PDE1C: variants seen among roughly 807,000 people sequenced by gnomAD.
PDE1C encodes dual specificity calcium/calmodulin-dependent 3',5'-cyclic nucleotide phosphodiesterase 1C.
A neutral mutation model predicts 93.1 loss-of-function variants in PDE1C; 62 were observed. That is an observed-to-expected ratio of 0.67 (90% confidence interval 0.54 to 0.82). The LOEUF (loss-of-function observed/expected upper bound fraction) is 0.82. Among genes scored for constraint, PDE1C ranks in the 40% least tolerant of loss-of-function variants. The pLI, the probability that PDE1C is intolerant of heterozygous loss-of-function variation, is 0.00. For missense variants in PDE1C, 742 were observed against 884.6 expected, an observed-to-expected ratio of 0.84 and a Z score of 2.04; for synonymous variants, 325 against 310.1, an observed-to-expected ratio of 1.05 and a Z score of -0.50.
intron 1 of PDE1C, among the ~76,000 whole-genome samples, chr7:32,232,247 C>A (rs1014954933): frequency 2.6e-5 from 4 of 152,100 alleles, no homozygotes; most frequent in African/African-American, 9.7e-5. Flanking sequence ...TGGACATCAG[C>A]GTGAATGAAG....
chr7:31,874,726 T>C (rs1449265355), intron 5 of PDE1C, among the ~76,000 whole-genome samples: 2 of 152,252 alleles, frequency 1.3e-5, no homozygotes, highest in Non-Finnish European at 2.9e-5. Flanking sequence ...CTCACTTAAG[T>C]CTTCAATAAC....
chr7:32,269,502 T>C (rs1352009973), intron 1 of PDE1C, among the ~76,000 whole-genome samples: 1 of 152,272 alleles, frequency 6.6e-6, no homozygotes, highest in South Asian at 2.1e-4. Flanking sequence ...TCTTTTTAGA[T>C]GGAGTCTCGC....
chr7:31,967,906 C>CT (rs1810279551), intron 2 of PDE1C, among the ~76,000 whole-genome samples: 1 of 152,208 alleles, frequency 6.6e-6, no homozygotes, highest in Non-Finnish European at 1.5e-5. Context: ...CAAAATTCAA[C>CT]AATGCTTCAT....
At position 32,333,584 on chromosome 7, in the gene PDE1C, T is replaced by C. The variant is rs1783553668; in HGVS notation, c.310+94238A>G. Among the ~76,000 whole-genome samples, 3 of 152,228 alleles carry C rather than the reference T, an allele frequency of 2.0e-5. No individual in the cohort carries two copies. The South Asian group carries it at 6.2e-4, about 31-fold the overall frequency. ...CTGTCCTAATCATCAAAAGATTGTG[T>C]GCTGTGTAATGAAAAAAACACACGC... On this transcript the variant is annotated intron_variant, in intron 1 of 1. Coordinates refer to the PDE1C transcript ENST00000672256.
At chr7:31,736,405 T>C in the PDE1C span, among the ~76,000 whole-genome samples, 151,172 of 152,318 alleles carry the variant, frequency 0.99, 75,023 homozygotes, top group East Asian at 1. Context: ...GAGACCCAGG[T>C]TCACTCCTAC....
chr7:31,651,809 C>A, the PDE1C span: 1 of 638,054 alleles, frequency 1.6e-6, no homozygotes, highest in Non-Finnish European at 2.7e-6. Flanking sequence ...ATGTCTCCAG[C>A]TGACACAAAT....
At chr7:31,826,823 T>C (rs1789729122) in intron 12 of PDE1C, among the ~76,000 whole-genome samples, 2 of 152,162 alleles carry the variant, frequency 1.3e-5, no homozygotes, top group African/African-American at 4.8e-5. Flanking sequence ...AAAAACAGGG[T>C]AGGCAAACTT....
In PDE1C at chr7:31,984,523, G is replaced by A. The variant is rs561237474; in HGVS notation, c.128+67031C>T. On this transcript the variant is annotated intron_variant, in intron 2 of 17. Coordinates refer to ENST00000396191, the MANE Select transcript of PDE1C (RefSeq NM_001191057.4). ...TTTCCCTGGGATCCTCTCACCACAC[G>A]CCCAACAAAGGTATCACTCTTTCAT... Among the ~76,000 whole-genome samples, 4 of 152,164 alleles carry A rather than the reference G, an allele frequency of 2.6e-5. No individual in the cohort carries two copies. In the East Asian group the frequency reaches 5.8e-4, roughly 22 times the overall value.
intron 3 of PDE1C, among the ~76,000 whole-genome samples, chr7:32,098,250 CAT>C (rs1232761287): frequency 1.0e-5 from 1 of 95,418 alleles, no homozygotes; most frequent in Non-Finnish European, 2.4e-5. Flanking sequence ...AAAAAAAAGA[CAT>C]AAATCCACAT....
At chr7:32,290,012 G>C (rs959569556) in intron 1 of PDE1C, among the ~76,000 whole-genome samples, 1 of 152,196 alleles carries the variant, frequency 6.6e-6, no homozygotes, top group African/African-American at 2.4e-5. Flanking sequence ...AGAAGACACT[G>C]CCTTCCACCA....
At chr7:31,753,608 A>C in intron 17 of PDE1C, 55 bp from the exon 18 acceptor site, 1 of 1,561,332 alleles carries the variant, frequency 6.4e-7, no homozygotes. Flanking sequence ...ACGACATGCC[A>C]CAACCTAAAT....
chr7:31,737,390 T>C, the PDE1C span, among the ~76,000 whole-genome samples: 1 of 152,216 alleles, frequency 6.6e-6, no homozygotes, highest in African/African-American at 2.4e-5. Context: ...ACTGTTTCTT[T>C]TGAAACCCAG....
rs62457305 is a variant in PDE1C at position 31,780,406 on chromosome 7, C to T, written c.1892-4674G>A. On this transcript the variant is annotated intron_variant, in intron 16 of 17. Transcript: ENST00000396191. ...CATAATGCTAGGAATCAGGGGAGGC[C>T]GATTTAGACTGCACGTCTGCTTATT... 0.018 allele frequency among the ~76,000 whole-genome samples: 2,711 copies of T among 152,146 alleles called. 124 individuals are homozygous for T. The East Asian group carries it at 0.19, about 11-fold the overall frequency.
intron 2 of PDE1C, among the ~76,000 whole-genome samples, chr7:31,967,608 T>A (rs756403569): frequency 6.6e-6 from 1 of 152,216 alleles, no homozygotes; most frequent in Non-Finnish European, 1.5e-5. Context: ...TAACTCTTTT[T>A]ATGAGGCCAG....
chr7:31,684,393 T>C, the PDE1C span, among the ~76,000 whole-genome samples: 11,577 of 152,246 alleles, frequency 0.076, 1,334 homozygotes, highest in African/African-American at 0.25. Flanking sequence ...AAATTATATA[T>C]TTTAAAATTC....
the PDE1C span, among the ~76,000 whole-genome samples, chr7:31,679,538 C>G: frequency 6.6e-6 from 1 of 152,160 alleles, no homozygotes; most frequent in Non-Finnish European, 1.5e-5. Context: ...AGTTAATGAA[C>G]TTACTTATTA....
chr7:31,846,318 T>A (rs1792595576), intron 9 of PDE1C, among the ~76,000 whole-genome samples: 1 of 146,624 alleles, frequency 6.8e-6, no homozygotes, highest in Non-Finnish European at 1.5e-5. Context: ...GCCTCAGAAA[T>A]AATAGCACAC....
At chr7:32,278,682 C>A (rs1490862887) in intron 1 of PDE1C, among the ~76,000 whole-genome samples, 2 of 152,150 alleles carry the variant, frequency 1.3e-5, no homozygotes, top group Non-Finnish European at 2.9e-5. Context: ...TGTCTCAATG[C>A]CTATAGCATT....
chr7:32,031,347 A>C (rs954063230), intron 2 of PDE1C, among the ~76,000 whole-genome samples: 1 of 152,186 alleles, frequency 6.6e-6, no homozygotes, highest in Non-Finnish European at 1.5e-5. Flanking sequence ...CCTATCTTTT[A>C]CTAATGAGAA....
Sources: gnomAD v4.1 joint callset for allele counts (sites outside exome capture counted in the v4.1 genomes callset) on GRCh38, gnomAD v4.1.1 for gene constraint, MANE v1.5 for transcripts, NCBI Gene and HGNC (gene_info 2026-07-23, HGNC 2026-07-21) for gene names.